MALT1: variants seen among roughly 807,000 people sequenced by gnomAD.
The protein encoded by MALT1 is mucosa-associated lymphoid tissue lymphoma translocation protein 1.
MALT1 carries 36 observed loss-of-function variants against 85.5 expected under a neutral mutation model. The ratio of observed to expected loss-of-function variants is 0.42; its 90% CI spans 0.32 to 0.56. The LOEUF (loss-of-function observed/expected upper bound fraction) is 0.56. Among genes scored for constraint, MALT1 ranks in the 20% least tolerant of loss-of-function variants. The probability of loss-of-function intolerance (pLI) is 0.10; values close to 1 mark genes in which losing one functional copy is unlikely to be tolerated. For synonymous variants in MALT1, 359 were observed against 361.3 expected (o/e 0.99, Z 0.07); for missense variants, 716 against 981.6 (o/e 0.73, Z 3.62).
chr18:58,684,023 C>T (rs565720835), intron 2 of MALT1, among the ~76,000 whole-genome samples: 125 of 152,286 alleles, frequency 8.2e-4, no homozygotes, highest in Non-Finnish European at 6.3e-4. Flanking sequence ...CTTCTGCCTC[C>T]GGAGCCTCAA....
chr18:58,700,779 A>G (rs1393412951), intron 4 of MALT1, among the ~76,000 whole-genome samples, 188 bp downstream of exon 4: 2 of 149,794 alleles, frequency 1.3e-5, no homozygotes, highest in South Asian at 4.2e-4. Context: ...TTTTTTTTTT[A>G]ATTTAGTTTT....
intron 4 of MALT1, among the ~76,000 whole-genome samples, chr18:58,701,037 C>T (rs1022012296): frequency 6.6e-6 from 1 of 152,148 alleles, no homozygotes; most frequent in African/African-American, 2.4e-5. Flanking sequence ...AGGTGACCCA[C>T]CCGCCTCAGC....
At chr18:58,679,459 CTTTA>C (rs1172576419) in intron 1 of MALT1, among the ~76,000 whole-genome samples, 1 of 152,218 alleles carries the variant, frequency 6.6e-6, no homozygotes, top group East Asian at 1.9e-4. Flanking sequence ...TCCAGTGAAA[CTTTA>C]TTTACAGAAA....
intron 10 of MALT1, among the ~76,000 whole-genome samples, chr18:58,726,506 C>T (rs192483469): frequency 3.8e-4 from 58 of 152,206 alleles, no homozygotes; most frequent in African/African-American, 1.3e-3. Context: ...CAGCTAGATA[C>T]GGAGAACAGA....
intron 4 of MALT1, among the ~76,000 whole-genome samples, chr18:58,702,959 G>A (rs746654413): frequency 2.0e-5 from 3 of 152,318 alleles, no homozygotes; most frequent in Admixed American, 1.3e-4. Context: ...CAAAAAGAAG[G>A]ATAGGGAGGA....
intron 2 of MALT1, among the ~76,000 whole-genome samples, chr18:58,687,985 C>T (rs1179342417): frequency 6.6e-6 from 1 of 152,178 alleles, no homozygotes; most frequent in Non-Finnish European, 1.5e-5. Context: ...TGCTTGTTTA[C>T]CAGGAAGCTG....
chr18:58,692,771 C>T (rs1012150436), intron 2 of MALT1, among the ~76,000 whole-genome samples: 1 of 152,116 alleles, frequency 6.6e-6, no homozygotes, highest in African/African-American at 2.4e-5. Context: ...GCCTCTTGTG[C>T]CAGTTAACCA....
chr18:58,707,213 C>G (rs907266873), intron 4 of MALT1, among the ~76,000 whole-genome samples: 8 of 151,410 alleles, frequency 5.3e-5, no homozygotes, highest in Admixed American at 4.6e-4. Context: ...TTCAATTTCT[C>G]ACTGCTGAAA....
chr18:58,709,680 A>G, intron 5 of MALT1, 124 bp downstream of exon 5: 1 of 845,002 alleles, frequency 1.2e-6, no homozygotes, highest in Non-Finnish European at 1.7e-6. Flanking sequence ...CAGTATTTTT[A>G]TTTAAAGTCC....
chr18:58,693,435 A>G (rs142179230), intron 2 of MALT1, among the ~76,000 whole-genome samples: 2 of 152,338 alleles, frequency 1.3e-5, no homozygotes, highest in East Asian at 3.9e-4. Flanking sequence ...CAAAAAAGCA[A>G]TAAAAGATCT....
chr18:58,739,828 CACGTGT>C (rs1452294668), intron 13 of MALT1, among the ~76,000 whole-genome samples: 1 of 149,506 alleles, frequency 6.7e-6, no homozygotes, highest in East Asian at 2.0e-4. Context: ...CACACACACA[CACGTGT>C]ACGTGTACAC....
At chr18:58,744,534 C>CCTG in intron 15 of MALT1, 39 bp downstream of exon 15, 2 of 1,396,776 alleles carry the variant, frequency 1.4e-6, no homozygotes, top group East Asian at 2.5e-5. Flanking sequence ...GTGATATATT[C>CCTG]TCACTTATTA....
intron 4 of MALT1, among the ~76,000 whole-genome samples, chr18:58,706,454 C>T (rs528160084): frequency 7.9e-4 from 120 of 152,304 alleles, no homozygotes; most frequent in Non-Finnish European, 1.2e-4. Context: ...CGCGCCCAGC[C>T]CACGTGTGTA....
chr18:58,708,381 G>A (rs1439052533), intron 4 of MALT1, among the ~76,000 whole-genome samples: 2 of 152,194 alleles, frequency 1.3e-5, no homozygotes, highest in Non-Finnish European at 2.9e-5. Context: ...CCTAGTCTTA[G>A]CACTTTTAAG....
At chr18:58,680,965 G>A (rs1001345516) in intron 1 of MALT1, among the ~76,000 whole-genome samples, 1 of 150,782 alleles carries the variant, frequency 6.6e-6, no homozygotes, top group Non-Finnish European at 1.5e-5. Context: ...ATAATCATGG[G>A]AGCTGAGTGG....
intron 2 of MALT1, among the ~76,000 whole-genome samples, chr18:58,689,026 C>T (rs2054454407): frequency 6.6e-6 from 1 of 152,076 alleles, no homozygotes; most frequent in Non-Finnish European, 1.5e-5. Flanking sequence ...GTGATGCACA[C>T]CCGTAGACCC....
At chr18:58,684,044 C>T (rs908885165) in intron 2 of MALT1, among the ~76,000 whole-genome samples, 14 of 152,106 alleles carry the variant, frequency 9.2e-5, no homozygotes, top group African/African-American at 1.7e-4. Flanking sequence ...GCAATCCTCC[C>T]GCCTCAGCCT....
Position 58,750,405 on chromosome 18 carries a change from A to G in MALT1, c.*2563A>G, listed in dbSNP as rs1174214413. Reference sequence around the variant, plus strand: ...TTTTTGCAGAAATTGACAAACTGGTAAAATTGGTAGGGAAACGCAGGGGAC... The same window carrying G: ...TTTTTGCAGAAATTGACAAACTGGTGAAATTGGTAGGGAAACGCAGGGGAC... On this transcript the variant is annotated 3_prime_UTR_variant, in exon 17 of 17. Coordinates refer to ENST00000649217, the MANE Select transcript of MALT1 (RefSeq NM_006785.4). 6.6e-6 allele frequency: 1 copy of G among 152,456 alleles called. No homozygotes were observed. Among genetic ancestry groups the G allele is most frequent in the Non-Finnish European group, 1.5e-5 (1 of 68,200 alleles). The allele number at this position is 152,456 out of a possible 1,614,324, so 9.4% of individuals were successfully genotyped here.
chr18:58,701,301 A>G (rs1422675957), intron 4 of MALT1, among the ~76,000 whole-genome samples: 2 of 152,000 alleles, frequency 1.3e-5, no homozygotes, highest in Admixed American at 6.6e-5. Flanking sequence ...TGCTGCTTCC[A>G]TGGTCTCGAA....
Sources: allele counts gnomAD v4.1 joint callset (sites outside exome capture counted in the v4.1 genomes callset), GRCh38; gene constraint gnomAD v4.1.1; transcripts MANE v1.5; gene names NCBI Gene and HGNC (gene_info 2026-07-23, HGNC 2026-07-21).